The following CRACDL variants were observed in gnomAD, a reference collection of about 807,000 sequenced individuals.
CRACDL encodes CRACD like, also known as CRACD-like protein.
Under a neutral mutation model 70.6 loss-of-function variants are expected in CRACDL, and 26 were observed. The observed-to-expected ratio is 0.37, with a 90% CI of 0.27 to 0.51. The LOEUF (loss-of-function observed/expected upper bound fraction) is 0.51. Ranked by LOEUF, CRACDL falls within the 20% of genes least tolerant of loss-of-function variation. The pLI is 0.94. For missense variants in CRACDL, 1,283 were observed against 1,376.9 expected (o/e 0.93, Z 1.08); for synonymous variants, 618 against 615.2 (o/e 1.00, Z -0.07).
At chr2:98,872,181 A>T (rs1012144241) in intron 1 of CRACDL, among the ~76,000 whole-genome samples, 1 of 152,110 alleles carries the variant, frequency 6.6e-6, no homozygotes, top group Non-Finnish European at 1.5e-5. Context: ...CAGCCTGGCC[A>T]ACACCGTCTC....
intron 1 of CRACDL, among the ~76,000 whole-genome samples, chr2:98,907,018 G>A (rs980483857): frequency 3.3e-5 from 5 of 152,188 alleles, no homozygotes; most frequent in African/African-American, 1.2e-4. Flanking sequence ...TTGGCCAGGT[G>A]CAGTGGCTCA....
intron 1 of CRACDL, among the ~76,000 whole-genome samples, chr2:98,858,506 C>T (rs1174999037): frequency 7.7e-6 from 1 of 130,612 alleles, no homozygotes; most frequent in Admixed American, 8.6e-5. Context: ...CAGAGTGAGA[C>T]TCTGTCAAAA....
intron 1 of CRACDL, among the ~76,000 whole-genome samples, chr2:98,886,589 A>G (rs1707803033): frequency 6.6e-6 from 1 of 152,256 alleles, no homozygotes; most frequent in South Asian, 2.1e-4. Flanking sequence ...GTGTCCCAAC[A>G]TGCACACAGA....
In CRACDL at chr2:98,797,453, C is replaced by T. The variant is rs779437146; in HGVS notation, c.2501G>A (p.Arg834Gln). 20 of 1,614,126 alleles carry T rather than the reference C, an allele frequency of 1.2e-5. No individual in the cohort carries two copies. Among genetic ancestry groups the T allele is most frequent in the Middle Eastern group, 1.6e-4 (1 of 6,084 alleles). The change falls in exon 8 of 10, where the codon CGG becomes CAG. Residue 834 changes from arginine (R) to glutamine (Q), a missense_variant. This residue lies in a region of CRACDL where 921 missense variants were observed against 881.9 expected (regional missense o/e 1.04). Coordinates refer to ENST00000397899, the MANE Select transcript of CRACDL (RefSeq NM_207362.3). ...GGGTGGCTGGTCCAAGGTCCCCCTC[C>T]GCTTCTGCCGAGTGACGGTGATCCA... The part of the protein sequence containing the change: ...PPWITVTRQK[R>Q]RGTLDQPPNQ...
intron 1 of CRACDL, among the ~76,000 whole-genome samples, chr2:98,858,181 A>G (rs1374001901): frequency 3.3e-5 from 5 of 152,184 alleles, no homozygotes; most frequent in Non-Finnish European, 1.5e-5. Context: ...CTGCTTGGAG[A>G]AAAGCTGTGC....
intron 1 of CRACDL, among the ~76,000 whole-genome samples, chr2:98,925,872 C>T (rs1032775382): frequency 3.9e-5 from 6 of 152,032 alleles, no homozygotes; most frequent in Admixed American, 1.3e-4. Context: ...CACACATGCG[C>T]GCGCACACAC....
intron 5 of CRACDL, among the ~76,000 whole-genome samples, chr2:98,830,572 C>T (rs1392984667): frequency 6.6e-6 from 1 of 152,154 alleles, no homozygotes. Context: ...GATGAAGACA[C>T]TAAAGATTAC....
intron 1 of CRACDL, among the ~76,000 whole-genome samples, chr2:98,908,191 G>T (rs111377325): frequency 6.6e-6 from 1 of 152,158 alleles, no homozygotes; most frequent in African/African-American, 2.4e-5. Flanking sequence ...ACCAGTAGAC[G>T]GACTGGCTGT....
intron 6 of CRACDL, among the ~76,000 whole-genome samples, chr2:98,825,497 T>G (rs1004955444): frequency 3.0e-4 from 46 of 152,238 alleles, no homozygotes; most frequent in African/African-American, 9.6e-4. Context: ...GACACCACGC[T>G]TCGCTCTGTC....
intron 1 of CRACDL, among the ~76,000 whole-genome samples, chr2:98,857,927 A>G (rs141775636): frequency 0.018 from 2,742 of 152,342 alleles, 89 homozygotes; most frequent in African/African-American, 0.062. Flanking sequence ...GCCATAAAAC[A>G]AAACAAAATA....
At chr2:98,897,442 G>C in intron 1 of CRACDL, 1 of 1,279,538 alleles carries the variant, frequency 7.8e-7, no homozygotes, top group Non-Finnish European at 1.0e-6. Context: ...CAGCATACCA[G>C]ATTCATTACA....
Position 98,832,958 on chromosome 2 carries a change from G to A in CRACDL, c.279C>T (p.His93=), listed in dbSNP as rs773046460. Residue 93 remains histidine (H), a synonymous_variant, in exon 4 of 10, where the codon CAC becomes CAT. Coordinates refer to ENST00000397899, the MANE Select transcript of CRACDL (RefSeq NM_207362.3). ...CGGACTCAGGAATGAAAATACTGTCGTGAGAAAGGGCCCGGCTGCCCAGCG... is the reference window on the plus strand; with the variant it reads ...CGGACTCAGGAATGAAAATACTGTCATGAGAAAGGGCCCGGCTGCCCAGCG... The part of the protein sequence containing the change: ...RGTLGSRALS[H]DSIFIPESGQ... 1.1e-5 allele frequency: 17 copies of A among 1,613,966 alleles called. No individual in the cohort carries two copies. The highest frequency in any genetic ancestry group is 9.9e-5 in the South Asian group (9 of 91,088).
At chr2:98,814,089 T>G (rs1704682613) in intron 7 of CRACDL, among the ~76,000 whole-genome samples, 1 of 152,196 alleles carries the variant, frequency 6.6e-6, no homozygotes, top group Non-Finnish European at 1.5e-5. Context: ...AGTTTTTAAA[T>G]CAACTTTATT....
intron 1 of CRACDL, among the ~76,000 whole-genome samples, chr2:98,894,173 A>T (rs1393845323): frequency 1.3e-5 from 2 of 152,318 alleles, no homozygotes; most frequent in East Asian, 3.9e-4. Flanking sequence ...CTGATTCAAG[A>T]CACTTCTTTC....
chr2:98,875,325 T>C (rs1707457036), intron 1 of CRACDL, among the ~76,000 whole-genome samples: 1 of 152,238 alleles, frequency 6.6e-6, no homozygotes, highest in Admixed American at 6.5e-5. Context: ...CACAACCAGA[T>C]GCCTGGCCTC....
At chr2:98,852,604 A>G (rs774485514) in intron 1 of CRACDL, among the ~76,000 whole-genome samples, 21 of 152,190 alleles carry the variant, frequency 1.4e-4, no homozygotes, top group Non-Finnish European at 2.1e-4. Flanking sequence ...ATAAAAAGAT[A>G]AAGAATTTCA....
At chr2:98,806,898 C>G (rs898011320) in intron 7 of CRACDL, among the ~76,000 whole-genome samples, 1 of 152,130 alleles carries the variant, frequency 6.6e-6, no homozygotes, top group Admixed American at 6.5e-5. Context: ...GTAAGTAATC[C>G]ATTCCAGGGG....
intron 1 of CRACDL, among the ~76,000 whole-genome samples, chr2:98,933,325 G>T (rs1432231357): frequency 1.3e-5 from 2 of 152,210 alleles, no homozygotes; most frequent in Non-Finnish European, 2.9e-5. Flanking sequence ...GCCCAGGGGT[G>T]ACTTGTAGCG....
At chr2:98,808,749 C>G (rs1237500303) in intron 7 of CRACDL, among the ~76,000 whole-genome samples, 2 of 152,236 alleles carry the variant, frequency 1.3e-5, no homozygotes, top group Non-Finnish European at 2.9e-5. Context: ...GTCTTCTCTT[C>G]TTCAAACCTA....
Sources: allele counts gnomAD v4.1 joint callset (sites outside exome capture counted in the v4.1 genomes callset), GRCh38; gene constraint gnomAD v4.1.1; regional missense constraint gnomAD v4.1.1; transcripts MANE v1.5; gene names NCBI Gene and HGNC (gene_info 2026-07-23, HGNC 2026-07-21).